CWC27: variants seen among roughly 807,000 people sequenced by gnomAD.
CWC27 encodes spliceosome-associated protein CWC27 homolog.
In CWC27, 47 loss-of-function variants were observed where a neutral mutation model predicts 63.6. That is an observed-to-expected ratio of 0.74 (90% CI 0.58 to 0.94). The LOEUF (loss-of-function observed/expected upper bound fraction) is 0.94. Among genes scored for constraint, CWC27 ranks in the 40% least tolerant of loss-of-function variants. CWC27 has a pLI of 0.00. For synonymous variants in CWC27, 175 were observed against 179.8 expected, an observed-to-expected ratio of 0.97 and a Z score of 0.22; for missense variants, 495 against 554.3, an observed-to-expected ratio of 0.89 and a Z score of 1.07.
intron 10 of CWC27, among the ~76,000 whole-genome samples, chr5:64,846,993 C>CAAAAAAAAAAAAA (rs35090437): frequency 1.2e-5 from 1 of 86,198 alleles, no homozygotes; most frequent in African/African-American, 4.7e-5. Flanking sequence ...GACTCCATCT[C>CAAAAAAAAAAAAA]AAAAAAAAAA....
intron 13 of CWC27, among the ~76,000 whole-genome samples, chr5:64,979,127 G>A (rs1196695637): frequency 6.6e-6 from 1 of 152,000 alleles, no homozygotes; most frequent in Non-Finnish European, 1.5e-5. Context: ...ATTCTCATTA[G>A]AAAGTTTAAA....
intron 11 of CWC27, among the ~76,000 whole-genome samples, chr5:64,946,230 T>C (rs1475815839): frequency 2.0e-5 from 3 of 152,172 alleles, no homozygotes; most frequent in Non-Finnish European, 4.4e-5. Context: ...ATTTGTAAAC[T>C]CTTTTACCTA....
intron 7 of CWC27, among the ~76,000 whole-genome samples, chr5:64,790,667 T>TC (rs1744042361): frequency 6.6e-6 from 1 of 151,928 alleles, no homozygotes; most frequent in Non-Finnish European, 1.5e-5. Context: ...TACTTCTACC[T>TC]CCCCCTGCCA....
At chr5:64,925,500 T>A (rs924040484) in intron 11 of CWC27, among the ~76,000 whole-genome samples, 4 of 152,200 alleles carry the variant, frequency 2.6e-5, no homozygotes, top group Non-Finnish European at 5.9e-5. Context: ...TAGCATCTCA[T>A]TGTTGATTAT....
At chr5:65,010,336 TGA>T (rs1391039472) in intron 13 of CWC27, among the ~76,000 whole-genome samples, 1 of 152,164 alleles carries the variant, frequency 6.6e-6, no homozygotes. Context: ...GGGCAAAACT[TGA>T]AAATTGTTTG....
chr5:64,881,539 A>G (rs192337545), intron 10 of CWC27, among the ~76,000 whole-genome samples: 52 of 152,256 alleles, frequency 3.4e-4, no homozygotes, highest in African/African-American at 1.2e-3. Flanking sequence ...CTAAATCATA[A>G]TAGCTACTGT....
chr5:64,781,526 T>C (rs188332991), intron 2 of CWC27, among the ~76,000 whole-genome samples: 28 of 152,304 alleles, frequency 1.8e-4, no homozygotes, highest in East Asian at 9.6e-4. Context: ...GTATAGGGTG[T>C]TTAGCAGTAT....
chr5:64,994,770 A>T (rs1485802926), intron 13 of CWC27, among the ~76,000 whole-genome samples: 3 of 152,192 alleles, frequency 2.0e-5, no homozygotes, highest in Non-Finnish European at 2.9e-5. Context: ...GCAATGTATG[A>T]AATTGCTAGT....
At chr5:64,839,713 G>A (rs1268331471) in intron 10 of CWC27, among the ~76,000 whole-genome samples, 1 of 152,098 alleles carries the variant, frequency 6.6e-6, no homozygotes, top group Non-Finnish European at 1.5e-5. Flanking sequence ...ATATTTTTGA[G>A]TACTATCTTA....
At chr5:64,880,949 G>C (rs910776734) in intron 10 of CWC27, among the ~76,000 whole-genome samples, 1 of 147,206 alleles carries the variant, frequency 6.8e-6, no homozygotes, top group South Asian at 2.2e-4. Context: ...CCCATAGTTT[G>C]GCAGTATATG....
intron 3 of CWC27, 116 bp from the exon 4 acceptor site, chr5:64,783,720 G>A (rs1417512941): frequency 2.0e-5 from 17 of 863,448 alleles, no homozygotes; most frequent in Middle Eastern, 2.6e-4. Flanking sequence ...AATCAATTAA[G>A]TAAAATGTCT....
intron 13 of CWC27, among the ~76,000 whole-genome samples, chr5:65,004,861 C>CAT (rs1170127729): frequency 0.038 from 1,718 of 45,038 alleles, 48 homozygotes; most frequent in Middle Eastern, 0.05. Flanking sequence ...AAGACTTTTT[C>CAT]ATATATATAT....
rs1288945456 is a variant in CWC27 at position 64,772,630 on chromosome 5, A to G, written c.43-2061A>G. Among the ~76,000 whole-genome samples, 6 of 124,336 alleles carry G rather than the reference A, an allele frequency of 4.8e-5. No homozygotes were observed. In the East Asian group the frequency reaches 1.3e-3, roughly 27 times the overall value. The allele number at this position is 124,336 out of a possible 152,430, so 81.6% of individuals were successfully genotyped here. ...AGACAGTGAGACTCTGTCTCAAAAA[A>G]AAAAAAAAAAAAAAAAAAAAAAAAA... On this transcript the variant is annotated intron_variant, in intron 1 of 13. Transcript: ENST00000381070.
intron 13 of CWC27, among the ~76,000 whole-genome samples, chr5:65,017,148 C>T (rs929911002): frequency 6.6e-5 from 10 of 151,990 alleles, no homozygotes; most frequent in Admixed American, 5.2e-4. Flanking sequence ...GGTGAAACCC[C>T]GTCTCTGCTA....
intron 10 of CWC27, among the ~76,000 whole-genome samples, chr5:64,850,944 C>T (rs59504554): frequency 0.34 from 50,971 of 151,978 alleles, 8,874 homozygotes; most frequent in East Asian, 0.51. Flanking sequence ...CCCTTGTACA[C>T]TGTTGGTGGG....
At chr5:64,833,081 G>T (rs767830022) in intron 10 of CWC27, among the ~76,000 whole-genome samples, 1 of 151,768 alleles carries the variant, frequency 6.6e-6, no homozygotes, top group African/African-American at 2.4e-5. Flanking sequence ...GAAGTTACAT[G>T]ATTTAAAATA....
At position 64,942,812 on chromosome 5, in the gene CWC27, T is replaced by C. The variant is rs543924869; in HGVS notation, c.1043-28891T>C. On this transcript the variant is annotated intron_variant, in intron 11 of 13. Coordinates refer to ENST00000381070, the MANE Select transcript of CWC27 (RefSeq NM_005869.4). ...GCATAAATATGGCTTTACTCCGGACTTTAGACACTTCAGCTTTAATTTTAT... is the reference window on the plus strand; with the variant it reads ...GCATAAATATGGCTTTACTCCGGACCTTAGACACTTCAGCTTTAATTTTAT... Among the ~76,000 whole-genome samples the C allele has an allele frequency of 3.2e-4, 49 of 152,362 alleles. 1 individual carries two copies. In the South Asian group the frequency reaches 9.3e-3, roughly 29 times the overall value.
chr5:64,981,887 C>A (rs1485181288), intron 13 of CWC27, among the ~76,000 whole-genome samples: 1 of 152,212 alleles, frequency 6.6e-6, no homozygotes, highest in East Asian at 1.9e-4. Flanking sequence ...CTGAAAAATT[C>A]TCCTTCTACG....
At chr5:64,811,462 T>A (rs989320697) in intron 10 of CWC27, among the ~76,000 whole-genome samples, 2 of 152,086 alleles carry the variant, frequency 1.3e-5, no homozygotes, top group African/African-American at 4.8e-5. Flanking sequence ...TTCTAAATTT[T>A]TATTGTGATT....
Sources: gnomAD v4.1 joint callset for allele counts (sites outside exome capture counted in the v4.1 genomes callset) on GRCh38, gnomAD v4.1.1 for gene constraint, MANE v1.5 for transcripts, NCBI Gene and HGNC (gene_info 2026-07-23, HGNC 2026-07-21) for gene names.